Variants in ATP2A1 observed in about 807,000 individuals in gnomAD.
The protein encoded by ATP2A1 is ATPase sarcoplasmic/endoplasmic reticulum Ca2+ transporting 1, also known as sarcoplasmic/endoplasmic reticulum calcium ATPase 1.
In ATP2A1, 83 loss-of-function variants were observed where a neutral mutation model predicts 109.5. That is an observed-to-expected ratio of 0.76 (90% CI 0.63 to 0.91). ATP2A1 has a LOEUF of 0.91. Among genes scored for constraint, ATP2A1 ranks in the 40% least tolerant of loss-of-function variants. The pLI is 0.00. For missense variants in ATP2A1, 1,101 were observed against 1,341.0 expected (o/e 0.82, Z 2.80); for synonymous variants, 505 against 537.6 (o/e 0.94, Z 0.84).
At chr16:28,896,662 C>T (rs550613528) in intron 12 of ATP2A1, among the ~76,000 whole-genome samples, 3 of 151,314 alleles carry the variant, frequency 2.0e-5, no homozygotes, top group South Asian at 2.1e-4. Context: ...CTGCCTGCCT[C>T]GGCCTCCCAA....
rs146561236 is a variant in ATP2A1, at chr16:28,888,428, G to T, written c.929-359G>T. Among the ~76,000 whole-genome samples the T allele has an allele frequency of 1.3e-3, 195 of 151,920 alleles. 2 individuals carry two copies. In the South Asian group the frequency reaches 0.016, roughly 13 times the overall value. On this transcript the variant is annotated intron_variant, in intron 8 of 22. Transcript: ENST00000395503. ...CATTATTGTTTGTTTGTTTAATAGA[G>T]ACAGAGTCTCACTCTTGTTGCCCAG...
Position 28,897,671 on chromosome 16 carries a change from T to C in ATP2A1, c.1420-329T>C, listed in dbSNP as rs373411168. Among the ~76,000 whole-genome samples, 28 of 152,254 alleles carry C rather than the reference T, an allele frequency of 1.8e-4. 5 individuals carry two copies. Among genetic ancestry groups the C allele is most frequent in the Admixed American group, 1.1e-3 (17 of 15,288 alleles). On this transcript the variant is annotated intron_variant, in intron 12 of 22. Transcript: ENST00000395503. ...TTTTAGTAGAGACAGGGTTTCACCA[T>C]GTTGGCCAGGCTGGTCTCGAACTCC...
At chr16:28,885,891 C>T (rs955165238) in intron 6 of ATP2A1, among the ~76,000 whole-genome samples, 2 of 151,814 alleles carry the variant, frequency 1.3e-5, no homozygotes, top group South Asian at 2.1e-4. Context: ...CTAGGCTGGG[C>T]GTGGTGGCTC....
intron 4 of ATP2A1, among the ~76,000 whole-genome samples, chr16:28,882,222 G>A (rs1963508330): frequency 6.6e-6 from 1 of 150,510 alleles, no homozygotes; most frequent in African/African-American, 2.5e-5. Context: ...GCCTCCCAGA[G>A]TGCTGGGATT....
rs778185790 is a variant in ATP2A1, at chr16:28,903,467, C to G, written c.2980+27C>G. ...TAAGGAGTGCCCTCTCTGTCCCAAG[C>G]CCTGGCCCCACCACAGCCCCTTCCC... is the stretch of plus-strand genomic sequence containing the variant. On this transcript the variant is annotated intron_variant, in intron 21 of 22. Transcript: ENST00000395503. This position sits in a 1 kb window ranked among gnomAD's most constrained non-coding sequence, Gnocchi z 5.6. The G allele has an allele frequency of 3.4e-5, 54 of 1,589,586 alleles. No homozygotes were observed. The highest frequency in any genetic ancestry group is 6.0e-6 in the Non-Finnish European group (7 of 1,158,334).
chr16:28,892,143 G>A (rs1172859233), intron 9 of ATP2A1, among the ~76,000 whole-genome samples: 2 of 152,190 alleles, frequency 1.3e-5, no homozygotes, highest in African/African-American at 2.4e-5. Context: ...CAGTGGTAAT[G>A]TGATAGGAGG....
chr16:28,888,088 A>G (rs550944809), intron 8 of ATP2A1, among the ~76,000 whole-genome samples: 24 of 152,194 alleles, frequency 1.6e-4, no homozygotes, highest in African/African-American at 4.1e-4. Flanking sequence ...GGCGTGAGCC[A>G]CCGCACCCGG....
chr16:28,890,292 CAAAA>C (rs767608802), intron 9 of ATP2A1, among the ~76,000 whole-genome samples: 1 of 74,384 alleles, frequency 1.3e-5, no homozygotes, highest in African/African-American at 4.9e-5. Flanking sequence ...CCGTCTCTAC[CAAAA>C]AAAAAAAAAA....
chr16:28,884,795 A>G, intron 6 of ATP2A1, 140 bp downstream of exon 6: 1 of 798,192 alleles, frequency 1.3e-6, no homozygotes, highest in Non-Finnish European at 1.9e-6. Context: ...AAAAATTTTA[A>G]AAACTAGCTG....
rs1356555611 is a variant in ATP2A1 at position 28,878,615 on chromosome 16, C to T, written c.-57C>T. On this transcript the variant is annotated 5_prime_UTR_variant, in exon 1 of 23. It adds an upstream start codon to the 5' untranslated region. Coordinates refer to ENST00000395503, the MANE Select transcript of ATP2A1 (RefSeq NM_004320.6). ...TGGACACACTGAGGAAGACCCCCCA[C>T]GAGTGGGAACCCCCTGGAAGGAACA... 2 of 1,437,134 alleles carry T rather than the reference C, an allele frequency of 1.4e-6. No homozygotes were observed. Among genetic ancestry groups the T allele is most frequent in the Non-Finnish European group, 1.9e-6 (2 of 1,040,702 alleles). 89.0% of individuals were successfully genotyped at this position (1,437,134 alleles called of 1,614,324 possible).
chr16:28,897,134 A>G (rs1044188763), intron 12 of ATP2A1, among the ~76,000 whole-genome samples: 26 of 152,100 alleles, frequency 1.7e-4, no homozygotes, highest in African/African-American at 6.0e-4. Flanking sequence ...AGTACCTCCA[A>G]TGCTCCACAG....
Position 28,903,753 on chromosome 16 carries a change from T to A in ATP2A1, c.*37+12T>A. On this transcript the variant is annotated intron_variant, in intron 22 of 22. Transcript: ENST00000395503. The surrounding 1 kb of genome is among the most constrained non-coding windows in gnomAD (Gnocchi z 5.6). ...AGCCCGTGTCACAGGTATCACCCCCTTCTTGCCCTCAGCCCAGCTGCTGTG... is the reference window on the plus strand; with the variant it reads ...AGCCCGTGTCACAGGTATCACCCCCATCTTGCCCTCAGCCCAGCTGCTGTG... 6.2e-7 allele frequency: 1 copy of A among 1,612,778 alleles called. No homozygotes were observed. The highest frequency in any genetic ancestry group is 8.5e-7 in the Non-Finnish European group (1 of 1,178,922).
chr16:28,894,977 C>T (rs1429843675), intron 12 of ATP2A1, 24 bp downstream of exon 12: 2 of 1,609,314 alleles, frequency 1.2e-6, no homozygotes, highest in Non-Finnish European at 1.7e-6. Context: ...GCCCCTGCCA[C>T]AGGGCCGTCT....
At chr16:28,885,047 T>C (rs1350420153) in intron 6 of ATP2A1, among the ~76,000 whole-genome samples, 1 of 152,086 alleles carries the variant, frequency 6.6e-6, no homozygotes, top group Non-Finnish European at 1.5e-5. Flanking sequence ...GAGACCAGCC[T>C]GGCCAACATG....
chr16:28,902,041 T>A lies in ATP2A1; in HGVS notation c.2279T>A (p.Phe760Tyr). Reference protein sequence around the residue: ...GRAIYNNMKQFIRYLISSNVG... With the variant: ...GRAIYNNMKQYIRYLISSNVG... ...GCCATCTACAACAACATGAAGCAGTTCATCCGCTACCTCATTTCCTCCAAC... is the reference window on the plus strand; with the variant it reads ...GCCATCTACAACAACATGAAGCAGTACATCCGCTACCTCATTTCCTCCAAC... The change falls in exon 16 of 23, where the codon TTC becomes TAC. Residue 760 changes from phenylalanine to tyrosine, a missense_variant. Coordinates refer to ENST00000395503, the MANE Select transcript of ATP2A1 (RefSeq NM_004320.6). The surrounding 1 kb of genome is among the most constrained non-coding windows in gnomAD (Gnocchi z 4.8). 6.2e-7 allele frequency: 1 copy of A among 1,614,224 alleles called. No homozygotes were observed. Among genetic ancestry groups the A allele is most frequent in the Non-Finnish European group, 8.5e-7 (1 of 1,180,034 alleles).
In ATP2A1 at chr16:28,903,741, G is replaced by A. The variant is rs1964162396; in HGVS notation, c.*37G>A. On this transcript the variant is annotated splice_region_variant and 3_prime_UTR_variant, in exon 22 of 23. Coordinates refer to ENST00000395503, the MANE Select transcript of ATP2A1 (RefSeq NM_004320.6). The surrounding 1 kb of genome is among the most constrained non-coding windows in gnomAD (Gnocchi z 5.6). ...CCTCCATCTCTGAGCCCGTGTCACAGGTATCACCCCCTTCTTGCCCTCAGC... is the reference window on the plus strand; with the variant it reads ...CCTCCATCTCTGAGCCCGTGTCACAAGTATCACCCCCTTCTTGCCCTCAGC... 8 of 1,613,676 alleles carry A rather than the reference G, an allele frequency of 5.0e-6. No individual in the cohort carries two copies. The highest frequency in any genetic ancestry group is 6.8e-6 in the Non-Finnish European group (8 of 1,179,682).
chr16:28,897,524 T>C (rs183112431), intron 12 of ATP2A1, among the ~76,000 whole-genome samples: 39 of 152,256 alleles, frequency 2.6e-4, no homozygotes, highest in Non-Finnish European at 4.3e-4. Flanking sequence ...TAAAAATAAA[T>C]AAACAAACAA....
rs767761372 is a variant in ATP2A1, at chr16:28,894,138, G to T, written c.1096-17G>T. ...GGAAGAGGTGGACATCTGTGTGCCTGCCCTTCTCCCCTGCAGATGTTTATC... is the reference window on the plus strand; with the variant it reads ...GGAAGAGGTGGACATCTGTGTGCCTTCCCTTCTCCCCTGCAGATGTTTATC... On this transcript the variant is annotated splice_polypyrimidine_tract_variant and intron_variant, in intron 9 of 22. Coordinates refer to ENST00000395503, the MANE Select transcript of ATP2A1 (RefSeq NM_004320.6). 6.2e-7 allele frequency: 1 copy of T among 1,611,026 alleles called. No individual in the cohort carries two copies. The highest frequency in any genetic ancestry group is 1.1e-5 in the South Asian group (1 of 90,908).
chr16:28,900,862 G>A lies in ATP2A1; in HGVS notation c.2046G>A (p.Ser682=), dbSNP rs150380125. ...RACCFARVEP[S]HKSKIVEYLQ... ...GCTGCTTCGCCCGTGTGGAGCCCTC[G>A]CACAAGTCCAAGATTGTGGAGTACC... The change falls in exon 15 of 23, where the codon TCG becomes TCA. Residue 682 remains serine (S), a synonymous_variant. Transcript: ENST00000395503. 6.0e-4 allele frequency: 968 copies of A among 1,614,190 alleles called. 2 individuals carry two copies. The highest frequency in any genetic ancestry group is 7.7e-4 in the Non-Finnish European group (911 of 1,180,036).
Sources: gnomAD v4.1 joint callset for allele counts (sites outside exome capture counted in the v4.1 genomes callset) on GRCh38, gnomAD v4.1.1 for gene constraint, Gnocchi (gnomAD v3.1) non-coding constraint, MANE v1.5 for transcripts, NCBI Gene and HGNC (gene_info 2026-07-23, HGNC 2026-07-21) for gene names.